PASK: variants seen among roughly 807,000 people sequenced by gnomAD.
The protein encoded by PASK is PAS domain containing serine/threonine kinase.
PASK carries 110 observed loss-of-function variants against 121.0 expected under a neutral mutation model. The observed-to-expected ratio is 0.91, with a 90% CI of 0.78 to 1.06. The LOEUF (loss-of-function observed/expected upper bound fraction) is 1.06. Ranked by LOEUF, PASK falls within the 50% of genes least tolerant of loss-of-function variation. PASK has a pLI of 0.00. For missense variants in PASK, 1,643 were observed against 1,702.3 expected, an observed-to-expected ratio of 0.97 and a Z score of 0.61; for synonymous variants, 686 against 717.8, an observed-to-expected ratio of 0.96 and a Z score of 0.71.
Position 241,126,893 on chromosome 2 carries a change from G to A in PASK, c.2022C>T (p.Ala674=). ...EQLSQLSLAG[A]LDVPHAELVP... is the part of the protein sequence containing the mutation. The stretch of plus-strand genomic sequence containing the variant: ...CGAGTTCGGCGTGGGGGACATCCAG[G>A]GCTCCTGCAAGGCTCAACTGGGACA... Residue 674 remains alanine (A), a synonymous_variant, in exon 10 of 18, where the codon GCC becomes GCT. Coordinates refer to ENST00000234040, the MANE Select transcript of PASK (RefSeq NM_015148.4). 1.2e-6 allele frequency: 2 copies of A among 1,613,594 alleles called. No individual in the cohort carries two copies. The highest frequency in any genetic ancestry group is 1.1e-5 in the South Asian group (1 of 91,072).
At position 241,129,489 on chromosome 2, in the gene PASK, T is replaced by A. The variant is rs186281278; in HGVS notation, c.1464-2038A>T. Among the ~76,000 whole-genome samples the A allele has an allele frequency of 1.4e-3, 211 of 152,286 alleles. 2 individuals are homozygous for A. Among genetic ancestry groups the A allele is most frequent in the Admixed American group, 0.013 (196 of 15,304 alleles). Reference sequence around the variant, plus strand: ...TGTCTGCAGCAAGGCCTCTGAACACTCAAACTGCAGAGGTCAAGGGAAAAC... The same window carrying A: ...TGTCTGCAGCAAGGCCTCTGAACACACAAACTGCAGAGGTCAAGGGAAAAC... On this transcript the variant is annotated intron_variant, in intron 9 of 17. Coordinates refer to ENST00000234040, the MANE Select transcript of PASK (RefSeq NM_015148.4).
chr2:241,114,561 T>C, intron 14 of PASK: 1 of 1,014,218 alleles, frequency 9.9e-7, no homozygotes, highest in Non-Finnish European at 1.2e-6. Context: ...CGAAGTTCAA[T>C]ATGTAATTAG....
intron 1 of PASK, among the ~76,000 whole-genome samples, chr2:241,144,599 C>T (rs536960696): frequency 6.6e-6 from 1 of 152,236 alleles, no homozygotes; most frequent in Non-Finnish European, 1.5e-5. Context: ...TCTTTCCACC[C>T]AGGTCCTCCC....
intron 4 of PASK, among the ~76,000 whole-genome samples, chr2:241,139,119 TAGTC>T (rs1350408858): frequency 6.6e-6 from 1 of 152,198 alleles, no homozygotes; most frequent in Non-Finnish European, 1.5e-5. Context: ...TTCTTCTTAG[TAGTC>T]AGTTTCTTGA....
rs2066232905 is a variant in PASK, at chr2:241,132,933, C to T, written c.1404G>A (p.Gln468=). 3 of 1,614,122 alleles carry T rather than the reference C, an allele frequency of 1.9e-6. No individual in the cohort carries two copies. The highest frequency in any genetic ancestry group is 4.5e-5 in the East Asian group (2 of 44,892). Residue 468 remains glutamine, a synonymous_variant, in exon 9 of 18, where the codon CAG becomes CAA. Coordinates refer to ENST00000234040, the MANE Select transcript of PASK (RefSeq NM_015148.4). ...GCTGGCCTCCAGCAATCAGCTCAGT[C>T]TGAGTCCCGGTGAAGATGTCTTGGC... ...MESQDIFTGT[Q]TELIAGGQLL...
At chr2:241,143,330 C>CAGGAGATCG (rs559081683) in intron 1 of PASK, among the ~76,000 whole-genome samples, 5 of 152,206 alleles carry the variant, frequency 3.3e-5, no homozygotes, top group African/African-American at 7.2e-5. Flanking sequence ...ATCACGAGGT[C>CAGGAGATCG]AGGAGATCGA....
chr2:241,148,972 G>GC (rs1462476468), intron 1 of PASK, among the ~76,000 whole-genome samples: 1 of 140,382 alleles, frequency 7.1e-6, no homozygotes, highest in Non-Finnish European at 1.5e-5. Context: ...GGCGGCGCGC[G>GC]CCCCCGACCC....
intron 12 of PASK, among the ~76,000 whole-genome samples, 171 bp from the exon 13 acceptor site, chr2:241,115,584 C>T (rs538962186): frequency 6.6e-6 from 1 of 150,604 alleles, no homozygotes; most frequent in African/African-American, 2.4e-5. Flanking sequence ...ACACCAGGGC[C>T]ACCCGGTCCC....
In PASK at chr2:241,123,938, C is replaced by T. The variant is rs1324995673; in HGVS notation, c.2904+11G>A. On this transcript the variant is annotated intron_variant, in intron 11 of 17. Coordinates refer to ENST00000234040, the MANE Select transcript of PASK (RefSeq NM_015148.4). ...GCAAGTCCAGGGCAGGCATTGATTG[C>T]AAATACCCACTTCCACCAGGCTGGG... 1.2e-6 allele frequency: 2 copies of T among 1,611,488 alleles called. No homozygotes were observed. The highest frequency in any genetic ancestry group is 1.3e-5 in the African/African-American group (1 of 74,968).
intron 1 of PASK, among the ~76,000 whole-genome samples, chr2:241,146,924 CAG>C (rs1261277609): frequency 6.6e-6 from 1 of 152,166 alleles, no homozygotes; most frequent in African/African-American, 2.4e-5. Context: ...CCAAAAAATT[CAG>C]AGACATTCAC....
chr2:241,146,661 C>T (rs533013843), intron 1 of PASK, among the ~76,000 whole-genome samples: 1 of 152,272 alleles, frequency 6.6e-6, no homozygotes, highest in East Asian at 1.9e-4. Context: ...ATTCCTTTGT[C>T]ATGAAATAAT....
Position 241,132,872 on chromosome 2 carries a change from A to T in PASK, c.1463+2T>A. ...CCTGCAACCTCCCACCAAGGGACTT[A>T]CCCTGGAGCAGGCTGAGGTGAGAGG... On this transcript the variant is annotated splice_donor_variant, in intron 9 of 17. Transcript: ENST00000234040. LOFTEE classifies it high-confidence loss of function. The T allele has an allele frequency of 6.2e-7, 1 of 1,613,364 alleles. No homozygotes were observed. Among genetic ancestry groups the T allele is most frequent in the Non-Finnish European group, 8.5e-7 (1 of 1,179,298 alleles).
intron 7 of PASK, 87 bp from the exon 8 acceptor site, chr2:241,136,126 G>C: frequency 8.5e-7 from 1 of 1,179,104 alleles, no homozygotes; most frequent in Non-Finnish European, 1.3e-6. Context: ...ATGAACACAA[G>C]GAGAGCCAGT....
intron 12 of PASK, among the ~76,000 whole-genome samples, chr2:241,119,349 G>A (rs2065504783): frequency 1.3e-5 from 2 of 152,176 alleles, no homozygotes. Flanking sequence ...CTGGGACGTT[G>A]GCCTTGGCTG....
Position 241,137,888 on chromosome 2 carries a change from C to T in PASK, c.876+65G>A, listed in dbSNP as rs1190311660. On this transcript the variant is annotated intron_variant, in intron 6 of 17. Coordinates refer to ENST00000234040, the MANE Select transcript of PASK (RefSeq NM_015148.4). ...CTTCAGAAACCCTTGGTCTGCGTCT[C>T]CAGTTATGGATTCAGAGCTAAGAAC... 4 of 1,579,194 alleles carry T rather than the reference C, an allele frequency of 2.5e-6. No individual in the cohort carries two copies. In the East Asian group the frequency reaches 6.7e-5, roughly 26 times the overall value.
chr2:241,146,291 T>C (rs550708783), intron 1 of PASK, among the ~76,000 whole-genome samples: 2 of 152,336 alleles, frequency 1.3e-5, no homozygotes, highest in East Asian at 1.9e-4. Context: ...ATAATCTCTT[T>C]AGAAAACAAT....
chr2:241,140,131 G>A (rs187482671), intron 3 of PASK, 76 bp from the exon 4 acceptor site: 22 of 1,183,774 alleles, frequency 1.9e-5, no homozygotes, highest in Non-Finnish European at 2.4e-5. Flanking sequence ...AGCCCAGGAC[G>A]ACCATGCAGA....
upstream of PASK, chr2:241,150,033 G>C (rs772233080): frequency 2.7e-4 from 377 of 1,383,674 alleles, no homozygotes; most frequent in Non-Finnish European, 3.4e-4. Context: ...GACGCAGCCA[G>C]CGAGGCTCGC....
intron 12 of PASK, among the ~76,000 whole-genome samples, chr2:241,121,238 G>C (rs1449538641): frequency 6.6e-6 from 1 of 152,204 alleles, no homozygotes; most frequent in Non-Finnish European, 1.5e-5. Flanking sequence ...TCTTTCTGAG[G>C]TCATGAAATG....
Sources: gnomAD v4.1 joint callset for allele counts (sites outside exome capture counted in the v4.1 genomes callset) on GRCh38, gnomAD v4.1.1 for gene constraint, MANE v1.5 for transcripts, NCBI Gene and HGNC (gene_info 2026-07-23, HGNC 2026-07-21) for gene names.